Variants in COL13A1 observed in about 807,000 individuals in gnomAD.
The protein encoded by COL13A1 is collagen alpha-1(XIII) chain.
COL13A1 carries 89 observed loss-of-function variants against 130.9 expected under a neutral mutation model. The observed-to-expected ratio is 0.68, with a 90% CI of 0.57 to 0.81. COL13A1 has a LOEUF of 0.81. COL13A1 is among the 30% of genes least tolerant of loss of function. COL13A1 has a pLI of 0.00. For synonymous variants in COL13A1, 402 were observed against 341.6 expected (o/e 1.18, Z -1.95); for missense variants, 879 against 934.6 (o/e 0.94, Z 0.78).
At chr10:69,854,900 A>G (rs1040116170) in intron 2 of COL13A1, among the ~76,000 whole-genome samples, 2 of 152,180 alleles carry the variant, frequency 1.3e-5, no homozygotes, top group Non-Finnish European at 2.9e-5. Context: ...GCTTCCCTGG[A>G]GAACCTTGGG....
chr10:69,943,356 G>A (rs2067943470), intron 35 of COL13A1, among the ~76,000 whole-genome samples: 1 of 152,210 alleles, frequency 6.6e-6, no homozygotes, highest in Admixed American at 6.5e-5. Flanking sequence ...GCCAACAACA[G>A]GAGACGCTGA....
intron 1 of COL13A1, among the ~76,000 whole-genome samples, chr10:69,810,737 G>T (rs1842827371): frequency 6.6e-6 from 1 of 152,182 alleles, no homozygotes; most frequent in Admixed American, 6.5e-5. Flanking sequence ...GGTCTGGGGA[G>T]ACTAGGGTGG....
At chr10:69,833,403 G>A (rs1451918601) in intron 2 of COL13A1, among the ~76,000 whole-genome samples, 3 of 152,242 alleles carry the variant, frequency 2.0e-5, no homozygotes, top group Non-Finnish European at 4.4e-5. Flanking sequence ...TAGGGCTCCA[G>A]GATGAACATG....
intron 35 of COL13A1, 131 bp downstream of exon 35, chr10:69,941,154 G>A: frequency 6.8e-7 from 1 of 1,472,738 alleles, no homozygotes; most frequent in Non-Finnish European, 9.4e-7. Context: ...ACACCAGAAA[G>A]GTGCCACTGA....
At chr10:69,814,385 A>C (rs1843881075) in intron 1 of COL13A1, among the ~76,000 whole-genome samples, 1 of 152,188 alleles carries the variant, frequency 6.6e-6, no homozygotes, top group Non-Finnish European at 1.5e-5. Context: ...GGTGTATGCC[A>C]TGGAGCCAGG....
intron 34 of COL13A1, 117 bp from the exon 35 acceptor site, chr10:69,940,862 GATTACCAGC>G: frequency 7.7e-7 from 1 of 1,303,866 alleles, no homozygotes; most frequent in Middle Eastern, 1.9e-4. Flanking sequence ...AGTTGTGTTT[GATTACCAGC>G]ATTTATGTCT....
intron 39 of COL13A1, chr10:69,956,310 T>C (rs546963093): frequency 3.3e-5 from 5 of 152,374 alleles, no homozygotes; most frequent in Admixed American, 3.3e-4. Flanking sequence ...AGCTGCATGG[T>C]TGCTACCAAC....
intron 2 of COL13A1, among the ~76,000 whole-genome samples, chr10:69,844,386 G>T (rs948022301): frequency 3.9e-5 from 6 of 152,168 alleles, no homozygotes; most frequent in Non-Finnish European, 8.8e-5. Flanking sequence ...CCTCCTGCCT[G>T]CTCACACTTC....
chr10:69,826,574 C>T (rs1847543654), intron 2 of COL13A1, among the ~76,000 whole-genome samples: 2 of 152,128 alleles, frequency 1.3e-5, no homozygotes, highest in Non-Finnish European at 2.9e-5. Context: ...GCATGAAGTG[C>T]CCAGGAGCCA....
At chr10:69,873,358 C>T (rs1225927183) in intron 4 of COL13A1, among the ~76,000 whole-genome samples, 1 of 152,186 alleles carries the variant, frequency 6.6e-6, no homozygotes, top group African/African-American at 2.4e-5. Flanking sequence ...GAAACTCTCC[C>T]AGTAAGAGCC....
chr10:69,935,429 T>G lies in COL13A1; in HGVS notation c.1770+38T>G, dbSNP rs566390399. 4.1e-5 allele frequency: 60 copies of G among 1,471,124 alleles called. No homozygotes were observed. The South Asian group carries it at 7.3e-4, about 18-fold the overall frequency. The allele number at this position is 1,471,124 out of a possible 1,614,324, so 91.1% of individuals were successfully genotyped here. A position where few individuals can be genotyped will look rare whatever the true frequency, so the allele number is the denominator to read the frequency against. On this transcript the variant is annotated intron_variant, in intron 32 of 40. Transcript: ENST00000645393. ...GGCTTGTCAGTGGCCAGTCCACTAA[T>G]GTCCCCTCTCCACAGCAGTCACTGG...
At chr10:69,877,846 G>C (rs4746930) in intron 5 of COL13A1, among the ~76,000 whole-genome samples, 193 bp from the exon 6 acceptor site, 6,441 of 152,176 alleles carry the variant, frequency 0.042, 190 homozygotes, top group South Asian at 0.13. Context: ...GCCACATGCT[G>C]TGCTTGTTGG....
intron 2 of COL13A1, among the ~76,000 whole-genome samples, chr10:69,830,829 A>C (rs1177407191): frequency 6.6e-6 from 1 of 152,174 alleles, no homozygotes. Flanking sequence ...CCATCACCAC[A>C]ATCAGTTCTA....
chr10:69,953,226 G>A (rs1450009333), intron 39 of COL13A1, among the ~76,000 whole-genome samples: 2 of 152,238 alleles, frequency 1.3e-5, no homozygotes, highest in African/African-American at 4.8e-5. Flanking sequence ...ATGTGTGGAA[G>A]TGAGGAAACC....
chr10:69,818,557 T>A (rs540823419), intron 1 of COL13A1, among the ~76,000 whole-genome samples: 1 of 152,268 alleles, frequency 6.6e-6, no homozygotes, highest in Admixed American at 6.5e-5. Flanking sequence ...AGATGAGAAG[T>A]CCCTTAATCT....
intron 7 of COL13A1, among the ~76,000 whole-genome samples, chr10:69,881,735 T>A (rs1214363968): frequency 6.6e-6 from 1 of 152,166 alleles, no homozygotes; most frequent in Non-Finnish European, 1.5e-5. Context: ...GCTTAACACT[T>A]CCTCTGTGGT....
At chr10:69,945,942 G>A (rs920223255) in intron 37 of COL13A1, among the ~76,000 whole-genome samples, 10 of 152,010 alleles carry the variant, frequency 6.6e-5, no homozygotes, top group South Asian at 6.2e-4. Flanking sequence ...GTGGTGGTGC[G>A]CACCTGTATC....
intron 2 of COL13A1, among the ~76,000 whole-genome samples, chr10:69,845,548 T>C (rs920879031): frequency 2.0e-5 from 3 of 151,942 alleles, no homozygotes; most frequent in Non-Finnish European, 4.4e-5. Context: ...TACACCAAAG[T>C]AGGCATCCCC....
At chr10:69,873,113 G>C (rs1264677483) in intron 4 of COL13A1, among the ~76,000 whole-genome samples, 3 of 152,178 alleles carry the variant, frequency 2.0e-5, no homozygotes, top group African/African-American at 4.8e-5. Context: ...GGCCGGAATC[G>C]GGTATGGAGA....
Sources: allele counts gnomAD v4.1 joint callset (sites outside exome capture counted in the v4.1 genomes callset), GRCh38; gene constraint gnomAD v4.1.1; transcripts MANE v1.5; gene names NCBI Gene and HGNC (gene_info 2026-07-23, HGNC 2026-07-21).